COX5B: variants seen among roughly 807,000 people sequenced by gnomAD.
The protein encoded by COX5B is cytochrome c oxidase subunit 5B.
Under a neutral mutation model 16.2 loss-of-function variants are expected in COX5B, and 8 were observed. The ratio of observed to expected loss-of-function variants is 0.49; its 90% CI spans 0.29 to 0.89. The LOEUF (loss-of-function observed/expected upper bound fraction) is 0.89. Among genes scored for constraint, COX5B ranks in the 40% least tolerant of loss-of-function variants. The probability of loss-of-function intolerance (pLI) is 0.08; values close to 1 mark genes in which losing one functional copy is unlikely to be tolerated. For synonymous variants in COX5B, 65 were observed against 67.6 expected, an observed-to-expected ratio of 0.96 and a Z score of 0.19; for missense variants, 161 against 168.7, an observed-to-expected ratio of 0.95 and a Z score of 0.25.
rs1400523517 is a variant in COX5B, at chr2:97,648,159, T to C, written c.*51T>C. 3.4e-6 allele frequency: 5 copies of C among 1,454,266 alleles called. No homozygotes were observed. Among genetic ancestry groups the C allele is most frequent in the Non-Finnish European group, 4.7e-6 (5 of 1,073,982 alleles). The allele number at this position is 1,454,266 out of a possible 1,614,324, so 90.1% of individuals were successfully genotyped here. A position where few individuals can be genotyped will look rare whatever the true frequency, so the allele number is the denominator to read the frequency against. ...GTGCTGTAAAGTTTCTTCTTTCCAG[T>C]AAAGACTAGCCATTGCATTGGCTCC... On this transcript the variant is annotated 3_prime_UTR_variant, in exon 4 of 4. Transcript: ENST00000258424.
At position 97,647,997 on chromosome 2, in the gene COX5B, T is replaced by C. The variant is rs1674686806; in HGVS notation, c.279T>C (p.Cys93=). The C allele has an allele frequency of 3.7e-6, 6 of 1,613,084 alleles. No individual in the cohort carries two copies. Among genetic ancestry groups the C allele is most frequent in the Non-Finnish European group, 5.1e-6 (6 of 1,179,754 alleles). Residue 93 remains cysteine, a splice_region_variant and synonymous_variant, in exon 4 of 4, where the codon TGT becomes TGC. Transcript: ENST00000258424. ...TAAACCACCTTTTTTCCCTTTTAGG[T>C]GAAGAGGACAATACCAGCGTCGTCT... ...ISNKRIVGCI[C]EEDNTSVVWF... is the part of the protein sequence containing the mutation.
chr2:97,646,283 A>G (rs1027019820), intron 1 of COX5B, 94 bp downstream of exon 1: 2 of 782,564 alleles, frequency 2.6e-6, no homozygotes, highest in South Asian at 1.8e-5. Context: ...CAGCTTCTCG[A>G]GGTCCCAGTG....
intron 1 of COX5B, chr2:97,646,857 A>G (rs1674666180): frequency 2.2e-6 from 1 of 455,056 alleles, no homozygotes; most frequent in Non-Finnish European, 4.0e-6. Context: ...TCAAAAAAGA[A>G]AAAAAAAGCT....
chr2:97,646,343 A>G, intron 1 of COX5B, 154 bp downstream of exon 1: 1 of 577,554 alleles, frequency 1.7e-6, no homozygotes, highest in Non-Finnish European at 3.1e-6. Context: ...TCTCCCTGTA[A>G]TTCTGGACCG....
chr2:97,647,529 G>A, intron 3 of COX5B, 86 bp downstream of exon 3: 1 of 1,132,024 alleles, frequency 8.8e-7, no homozygotes, highest in Non-Finnish European at 1.3e-6. Context: ...CAGTGTGTGA[G>A]TGCATGTTGG....
chr2:97,647,023 C>T, intron 1 of COX5B, 44 bp from the exon 2 acceptor site: 1 of 1,578,292 alleles, frequency 6.3e-7, no homozygotes, highest in Non-Finnish European at 8.7e-7. Flanking sequence ...GTTTTTCTAT[C>T]AGTCATTTCA....
rs571078105 is a variant in COX5B at position 97,646,229 on chromosome 2, C to T, written c.103+40C>T. The T allele has an allele frequency of 3.3e-5, 47 of 1,417,178 alleles. No homozygotes were observed. In the Admixed American group the frequency reaches 9.5e-4, roughly 29 times the overall value. The allele number at this position is 1,417,178 out of a possible 1,614,324, so 87.8% of individuals were successfully genotyped here. A position where few individuals can be genotyped will look rare whatever the true frequency, so the allele number is the denominator to read the frequency against. On this transcript the variant is annotated intron_variant, in intron 1 of 3. Transcript: ENST00000258424. ...GGGCGTGCCAGGGACCAGAGTGTTG[C>T]CCTCCCAGGGTGGTCCCAGGGCGGC...
rs1674691243 is a variant in COX5B at position 97,648,270 on chromosome 2, A to G, written c.*162A>G. On this transcript the variant is annotated 3_prime_UTR_variant, in exon 4 of 4. Transcript: ENST00000258424. ...CTTATTTTGGGAAAAGCTGTCTGTT[A>G]ATGCTAGCTTGCCATCCACTTACTG... 1.6e-6 allele frequency: 1 copy of G among 632,078 alleles called. No individual in the cohort carries two copies. The highest frequency in any genetic ancestry group is 2.7e-6 in the Non-Finnish European group (1 of 369,122). The allele number at this position is 632,078 out of a possible 1,614,324, so 39.2% of individuals were successfully genotyped here.
Position 97,646,169 on chromosome 2 carries a change from T to C in COX5B, c.83T>C (p.Met28Thr). Residue 28 changes from methionine (M) to threonine (T), a missense_variant, in exon 1 of 4, where the codon ATG (methionine) becomes ACG (threonine). By Grantham distance (81) the Met-to-Thr change is moderately conservative. Coordinates refer to ENST00000258424, the MANE Select transcript of COX5B (RefSeq NM_001862.3). ...RARGPSGAAA[M>T]RSMASGGGVP... ...CGCGGCCCCAGTGGCGCGGCCGCGA[T>C]GCGCTCCATGGCATCTGGAGGTACT... 1 of 1,550,338 alleles carries C rather than the reference T, an allele frequency of 6.5e-7. No individual in the cohort carries two copies. Among genetic ancestry groups the C allele is most frequent in the Non-Finnish European group, 8.7e-7 (1 of 1,146,410 alleles).
chr2:97,646,093 T>A lies in COX5B; in HGVS notation c.7T>A (p.Ser3Thr). Reference protein sequence around the residue: MASRLLRGAGTLA... With the variant: MATRLLRGAGTLA... ...GCTGCTAGTCGCGGACGCAATGGCT[T>A]CAAGGTTACTTCGCGGAGCTGGAAC... is the stretch of plus-strand genomic sequence containing the variant. Residue 3 changes from serine (S) to threonine (T), a missense_variant, in exon 1 of 4, where the codon TCA (serine) becomes ACA (threonine). Ser to Thr is a moderately conservative substitution (Grantham distance 58). Coordinates refer to ENST00000258424, the MANE Select transcript of COX5B (RefSeq NM_001862.3). 1.3e-6 allele frequency: 2 copies of A among 1,555,562 alleles called. No homozygotes were observed. Among genetic ancestry groups the A allele is most frequent in the Non-Finnish European group, 1.7e-6 (2 of 1,149,174 alleles).
rs776423251 is a variant in COX5B, at chr2:97,647,487, C to T, written c.277+44C>T. ...TTTTTTATCCACTTGCTTAATATAT[C>T]CTACAATAGTGTGTAAGCTGCCTCA... is the stretch of plus-strand genomic sequence containing the variant. On this transcript the variant is annotated intron_variant, in intron 3 of 3. Coordinates refer to ENST00000258424, the MANE Select transcript of COX5B (RefSeq NM_001862.3). The T allele has an allele frequency of 5.7e-5, 86 of 1,499,054 alleles. No homozygotes were observed. In the Middle Eastern group the frequency reaches 2.4e-3, roughly 42 times the overall value. 92.9% of individuals were successfully genotyped at this position (1,499,054 alleles called of 1,614,324 possible). A position where few individuals can be genotyped will look rare whatever the true frequency, so the allele number is the denominator to read the frequency against.
chr2:97,647,819 GTGAACTCAGAGCCTCAA>G (rs368331529), intron 3 of COX5B, among the ~76,000 whole-genome samples, 160 bp from the exon 4 acceptor site: 16 of 152,250 alleles, frequency 1.1e-4, no homozygotes, highest in African/African-American at 3.9e-4. Flanking sequence ...TTACTCATAG[GTGAACTCAGAGCCTCAA>G]TTTCTTCATC....
At chr2:97,646,864 A>G in intron 1 of COX5B, 1 of 470,520 alleles carries the variant, frequency 2.1e-6, no homozygotes, top group Non-Finnish European at 3.9e-6. Flanking sequence ...AGAAAAAAAA[A>G]GCTCCCCCGA....
At position 97,647,051 on chromosome 2, in the gene COX5B, C is replaced by G. The variant is rs759375557; in HGVS notation, c.104-16C>G. The G allele has an allele frequency of 6.2e-7, 1 of 1,612,762 alleles. No homozygotes were observed. Among genetic ancestry groups the G allele is most frequent in the African/African-American group, 1.3e-5 (1 of 74,870 alleles). On this transcript the variant is annotated splice_polypyrimidine_tract_variant and intron_variant, in intron 1 of 3. Transcript: ENST00000258424. ...TCATTTCAGTCAGCGTCATAATTCA[C>G]GTTATCTTCCTTTAGGTGGTGTTCC...
intron 2 of COX5B, 50 bp from the exon 3 acceptor site, chr2:97,647,294 G>C (rs763563015): frequency 3.8e-6 from 6 of 1,580,564 alleles, no homozygotes; most frequent in Non-Finnish European, 5.2e-6. Context: ...TGGCCTAATG[G>C]TTCAATTCTT....
intron 3 of COX5B, 116 bp from the exon 4 acceptor site, chr2:97,647,878 CTT>C: frequency 1.1e-6 from 1 of 896,878 alleles, no homozygotes; most frequent in Non-Finnish European, 1.8e-6. Context: ...GAACTGATCT[CTT>C]AAGATATCAA....
At position 97,648,005 on chromosome 2, in the gene COX5B, A is replaced by G; in HGVS notation, c.287A>G (p.Asp96Gly). The change falls in exon 4 of 4, where the codon GAC becomes GGC. Residue 96 changes from aspartate (D) to glycine (G), a missense_variant. Transcript: ENST00000258424. Reference protein sequence around the residue: ...KRIVGCICEEDNTSVVWFWLH... With the variant: ...KRIVGCICEEGNTSVVWFWLH... The stretch of plus-strand genomic sequence containing the variant: ...CTTTTTTCCCTTTTAGGTGAAGAGG[A>G]CAATACCAGCGTCGTCTGGTTTTGG... The G allele has an allele frequency of 1.2e-6, 2 of 1,613,824 alleles. No individual in the cohort carries two copies.
Position 97,647,400 on chromosome 2 carries a change from T to C in COX5B, c.234T>C (p.Asn78=), listed in dbSNP as rs752017227. ...KGASGTREDP[N]LVPSISNKRI... ...CTTCAGGCACCAGGGAAGACCCTAA[T>C]TTAGTCCCCTCCATCTCCAACAAGA... The change falls in exon 3 of 4, where the codon AAT becomes AAC. Residue 78 remains asparagine, a synonymous_variant. Coordinates refer to ENST00000258424, the MANE Select transcript of COX5B (RefSeq NM_001862.3). 1 of 1,614,182 alleles carries C rather than the reference T, an allele frequency of 6.2e-7. No homozygotes were observed. The highest frequency in any genetic ancestry group is 1.1e-5 in the South Asian group (1 of 91,078).
chr2:97,646,355 T>C (rs1310080774), intron 1 of COX5B, 166 bp downstream of exon 1: 12 of 569,042 alleles, frequency 2.1e-5, no homozygotes, highest in Non-Finnish European at 3.1e-6. Flanking sequence ...TCTGGACCGC[T>C]GCTCCTGCCG....
Sources: allele counts gnomAD v4.1 joint callset (sites outside exome capture counted in the v4.1 genomes callset), GRCh38; gene constraint gnomAD v4.1.1; transcripts MANE v1.5; gene names NCBI Gene and HGNC (gene_info 2026-07-23, HGNC 2026-07-21).